FAM135A: variants seen among roughly 807,000 people sequenced by gnomAD.
FAM135A encodes family with sequence similarity 135 member A.
In FAM135A, 79 loss-of-function variants were observed where a neutral mutation model predicts 146.8. That is an observed-to-expected ratio of 0.54 (90% CI 0.45 to 0.65). The LOEUF is 0.65. Ranked by LOEUF, FAM135A falls within the 30% of genes least tolerant of loss-of-function variation. The pLI is 0.00. For missense variants in FAM135A, 1,623 were observed against 1,758.2 expected, an observed-to-expected ratio of 0.92 and a Z score of 1.38; for synonymous variants, 562 against 603.6, an observed-to-expected ratio of 0.93 and a Z score of 1.01.
chr6:70,527,408 T>G (rs973612569), intron 15 of FAM135A, among the ~76,000 whole-genome samples: 6 of 152,138 alleles, frequency 3.9e-5, no homozygotes, highest in Admixed American at 3.3e-4. Context: ...ATTATTCTGA[T>G]TTATACACAG....
At chr6:70,536,672 A>G (rs978766760) in intron 19 of FAM135A, among the ~76,000 whole-genome samples, 3 of 152,168 alleles carry the variant, frequency 2.0e-5, no homozygotes, top group South Asian at 4.1e-4. Flanking sequence ...TAAATTCTAA[A>G]TATTTTTAGT....
chr6:70,495,829 G>A (rs1336912237), intron 11 of FAM135A, among the ~76,000 whole-genome samples: 2 of 151,866 alleles, frequency 1.3e-5, no homozygotes, highest in Non-Finnish European at 2.9e-5. Flanking sequence ...GATGTTCCCC[G>A]TCCTGTGTCC....
intron 2 of FAM135A, among the ~76,000 whole-genome samples, chr6:70,421,426 G>A (rs953284152): frequency 6.6e-6 from 1 of 152,200 alleles, no homozygotes; most frequent in African/African-American, 2.4e-5. Context: ...AGCAGCTCTA[G>A]AGGACCAAGA....
chr6:70,449,234 C>G (rs1204650691), intron 4 of FAM135A, among the ~76,000 whole-genome samples: 1 of 151,998 alleles, frequency 6.6e-6, no homozygotes, highest in African/African-American at 2.4e-5. Context: ...TATCACCTCA[C>G]CTACTTTTTT....
At chr6:70,472,736 A>G (rs1446953665) in intron 5 of FAM135A, among the ~76,000 whole-genome samples, 1 of 152,042 alleles carries the variant, frequency 6.6e-6, no homozygotes, top group East Asian at 1.9e-4. Flanking sequence ...TCACCCTGAC[A>G]CTTTTGTGGA....
intron 18 of FAM135A, among the ~76,000 whole-genome samples, chr6:70,535,372 A>T (rs1796601709): frequency 6.6e-6 from 1 of 152,168 alleles, no homozygotes; most frequent in African/African-American, 2.4e-5. Flanking sequence ...ACCCTGGGCC[A>T]CAGACTGGTA....
chr6:70,491,840 ATAATCT>A (rs1325770206), intron 11 of FAM135A, among the ~76,000 whole-genome samples: 4 of 151,906 alleles, frequency 2.6e-5, no homozygotes, highest in Admixed American at 1.3e-4. Context: ...ACATTTAAAA[ATAATCT>A]TAAGATGTGT....
intron 4 of FAM135A, among the ~76,000 whole-genome samples, chr6:70,450,694 A>G: frequency 9.5e-6 from 1 of 104,752 alleles, no homozygotes; most frequent in African/African-American, 3.6e-5. Flanking sequence ...TTTTGAACTC[A>G]GGGAGTGTGA....
chr6:70,555,581 C>T (rs888779836), intron 20 of FAM135A, among the ~76,000 whole-genome samples: 1 of 152,046 alleles, frequency 6.6e-6, no homozygotes, highest in Non-Finnish European at 1.5e-5. Flanking sequence ...AAGCTATACA[C>T]ACCTATCTAC....
At chr6:70,426,119 A>AAAAC (rs374741721) in intron 2 of FAM135A, among the ~76,000 whole-genome samples, 10 of 150,334 alleles carry the variant, frequency 6.7e-5, no homozygotes, top group Admixed American at 6.6e-5. Flanking sequence ...CAAAAAAAAA[A>AAAAC]AACAACAACA....
At chr6:70,548,523 G>A (rs922509722) in intron 20 of FAM135A, among the ~76,000 whole-genome samples, 5 of 152,158 alleles carry the variant, frequency 3.3e-5, no homozygotes, top group Admixed American at 2.0e-4. Flanking sequence ...TGAGCTGCGT[G>A]AACATGAGGA....
chr6:70,555,470 C>T (rs1312813039), intron 20 of FAM135A, among the ~76,000 whole-genome samples: 1 of 152,034 alleles, frequency 6.6e-6, no homozygotes, highest in Non-Finnish European at 1.5e-5. Flanking sequence ...CCAGGCTGGT[C>T]TCAAACTCTT....
In FAM135A at chr6:70,560,057, C is replaced by T. The variant is rs1380748124; in HGVS notation, c.*136C>T. On this transcript the variant is annotated 3_prime_UTR_variant, in exon 22 of 22. Transcript: ENST00000418814. ...TTATATGGAAGATAATTTATATCAT[C>T]CATGTTTAGTGCTTTTTAAACATCA... is the stretch of plus-strand genomic sequence containing the variant. The T allele has an allele frequency of 4.4e-6, 3 of 686,956 alleles. No individual in the cohort carries two copies. Among genetic ancestry groups the T allele is most frequent in the South Asian group, 4.7e-5 (2 of 42,624 alleles). The allele number at this position is 686,956 out of a possible 1,614,324, so 42.6% of individuals were successfully genotyped here.
chr6:70,416,218 T>A (rs1479083151), intron 2 of FAM135A, among the ~76,000 whole-genome samples: 3 of 152,182 alleles, frequency 2.0e-5, no homozygotes, highest in Non-Finnish European at 4.4e-5. Flanking sequence ...AATTAGTACA[T>A]TAACTAATGT....
intron 4 of FAM135A, among the ~76,000 whole-genome samples, chr6:70,433,597 T>C (rs778132982): frequency 2.6e-5 from 4 of 151,948 alleles, no homozygotes; most frequent in Non-Finnish European, 5.9e-5. Flanking sequence ...TCGAAGCTTG[T>C]CCACGCGTTT....
In FAM135A at chr6:70,525,075, A is replaced by C; in HGVS notation, c.1991A>C (p.Lys664Thr). Reference sequence around the variant, plus strand: ...ACAATTGAAATAAAGCCCAGTAATAAAGATCCTTTCAGTGGAGAGAATATA... The same window carrying C: ...ACAATTGAAATAAAGCCCAGTAATACAGATCCTTTCAGTGGAGAGAATATA... ...VRTIEIKPSN[K>T]DPFSGENITV... is the part of the protein sequence containing the mutation. The change falls in exon 15 of 22, where the codon AAA (lysine) becomes ACA (threonine). Residue 664 changes from lysine to threonine, a missense_variant. Physicochemically the swap from Lys to Thr is moderately conservative, Grantham distance 78. Coordinates refer to ENST00000418814, the MANE Select transcript of FAM135A (RefSeq NM_001162529.3). The C allele has an allele frequency of 6.3e-7, 1 of 1,580,704 alleles. No individual in the cohort carries two copies. Among genetic ancestry groups the C allele is most frequent in the Non-Finnish European group, 8.6e-7 (1 of 1,168,634 alleles).
intron 2 of FAM135A, among the ~76,000 whole-genome samples, chr6:70,424,843 T>C (rs1769684448): frequency 6.6e-6 from 1 of 152,198 alleles, no homozygotes; most frequent in Non-Finnish European, 1.5e-5. Context: ...AACAGTTTAA[T>C]CAATTGTTTT....
At chr6:70,446,593 C>T (rs1302971533) in intron 4 of FAM135A, among the ~76,000 whole-genome samples, 2 of 152,112 alleles carry the variant, frequency 1.3e-5, no homozygotes, top group Non-Finnish European at 2.9e-5. Context: ...GGTGGAATGC[C>T]TTGATTATGG....
At chr6:70,557,633 G>A (rs1801107932) in intron 21 of FAM135A, 1 of 143,620 alleles carries the variant, frequency 7.0e-6, no homozygotes. Flanking sequence ...GGGAAAGGTT[G>A]CAGTGAGCCA....
Sources: gnomAD v4.1 joint callset for allele counts (sites outside exome capture counted in the v4.1 genomes callset) on GRCh38, gnomAD v4.1.1 for gene constraint, MANE v1.5 for transcripts, NCBI Gene and HGNC (gene_info 2026-07-23, HGNC 2026-07-21) for gene names.